The following ETAA1 variants were observed in gnomAD, a reference collection of about 807,000 sequenced individuals.
ETAA1 encodes ewing's tumor-associated antigen 1.
A neutral mutation model predicts 76.8 loss-of-function variants in ETAA1; 49 were observed. The observed-to-expected ratio is 0.64, with a 90% CI of 0.51 to 0.81. The LOEUF (loss-of-function observed/expected upper bound fraction) is 0.81, where lower values mean the gene tolerates loss of function less well. Ranked by LOEUF, ETAA1 falls within the 30% of genes least tolerant of loss-of-function variation. ETAA1 has a pLI of 0.00. For synonymous variants in ETAA1, 373 were observed against 372.2 expected (o/e 1.00, Z -0.03); for missense variants, 1,099 against 1,074.0 (o/e 1.02, Z -0.32).
chr2:67,411,629 CA>C lies in ETAA1; in HGVS notation c.*1592del, dbSNP rs1676371849. ...TTTAAAGTATGGTTTCTATTGGACG[CA>C]TATCACTTTTGCATCACGTTAGAGT... On this transcript the variant is annotated 3_prime_UTR_variant, in exon 6 of 6. Transcript: ENST00000272342. 1 of 152,004 alleles carries C rather than the reference CA, an allele frequency of 6.6e-6. No homozygotes were observed. The highest frequency in any genetic ancestry group is 1.5e-5 in the Non-Finnish European group (1 of 67,980). 9.4% of individuals were successfully genotyped at this position (152,004 alleles called of 1,614,324 possible). A position where few individuals can be genotyped will look rare whatever the true frequency, so the allele number is the denominator to read the frequency against.
At position 67,403,736 on chromosome 2, in the gene ETAA1, A is replaced by T. The variant is rs776871893; in HGVS notation, c.1054A>T (p.Met352Leu). 3.1e-6 allele frequency: 5 copies of T among 1,613,336 alleles called. No individual in the cohort carries two copies. In the African/African-American group the frequency reaches 6.7e-5, roughly 22 times the overall value. ...SLSSQVDTPI[M>L]TKSCVTSCTK... ...TTCTTCTCAAGTAGATACACCCATAATGACAAAATCATGTGTGACTTCCTG... is the reference window on the plus strand; with the variant it reads ...TTCTTCTCAAGTAGATACACCCATATTGACAAAATCATGTGTGACTTCCTG... Residue 352 changes from methionine (M) to leucine (L), a missense_variant, in exon 5 of 6, where the codon ATG becomes TTG. Met to Leu is a conservative substitution (Grantham distance 15, BLOSUM62 2). Coordinates refer to ENST00000272342, the MANE Select transcript of ETAA1 (RefSeq NM_019002.4).
chr2:67,400,888 A>G (rs1572907096), intron 3 of ETAA1: 1 of 152,172 alleles, frequency 6.6e-6, no homozygotes, highest in African/African-American at 2.4e-5. Flanking sequence ...TACTAGCTCT[A>G]CATTCCATTT....
Position 67,410,157 on chromosome 2 carries a change from T to G in ETAA1, c.*119T>G. ...ATGCTGACTTTTATAAAGCCTGGAC[T>G]TCTACTTTATTTAATAAATCAATGT... is the stretch of plus-strand genomic sequence containing the variant. On this transcript the variant is annotated 3_prime_UTR_variant, in exon 6 of 6. Transcript: ENST00000272342. 1 of 864,840 alleles carries G rather than the reference T, an allele frequency of 1.2e-6. No homozygotes were observed. The highest frequency in any genetic ancestry group is 1.8e-6 in the Non-Finnish European group (1 of 547,894). 53.6% of individuals were successfully genotyped at this position (864,840 alleles called of 1,614,324 possible). A position where few individuals can be genotyped will look rare whatever the true frequency, so the allele number is the denominator to read the frequency against.
In ETAA1 at chr2:67,405,052, T is replaced by G; in HGVS notation, c.2370T>G (p.Tyr790Ter). 1 of 1,611,688 alleles carries G rather than the reference T, an allele frequency of 6.2e-7. No homozygotes were observed. The highest frequency in any genetic ancestry group is 1.1e-5 in the South Asian group (1 of 90,888). Residue 790 changes from tyrosine to a stop codon, truncating the protein, a stop_gained, in exon 5 of 6, where the codon TAT becomes TAG. Transcript: ENST00000272342. LOFTEE classifies it high-confidence loss of function. ...ATATGAATACAGAAATTACTACTTA[T>G]AAGAAGAAATTGAGTACTAATCAGC... is the stretch of plus-strand genomic sequence containing the variant. ...SDHMNTEITTYKKKLSTNQPC... is the reference protein window; with the variant it reads ...SDHMNTEITT
intron 5 of ETAA1, among the ~76,000 whole-genome samples, chr2:67,409,040 T>G (rs1164239191): frequency 6.6e-6 from 1 of 152,056 alleles, no homozygotes; most frequent in Non-Finnish European, 1.5e-5. Context: ...TATGTATTTC[T>G]TAGCCTGAAT....
chr2:67,407,153 G>A (rs1676242437), intron 5 of ETAA1, among the ~76,000 whole-genome samples: 1 of 151,184 alleles, frequency 6.6e-6, no homozygotes, highest in Admixed American at 6.6e-5. Context: ...CTACACCCAA[G>A]GGTGTCCAAT....
At position 67,404,766 on chromosome 2, in the gene ETAA1, T is replaced by C. The variant is rs1338329117; in HGVS notation, c.2084T>C (p.Leu695Ser). The C allele has an allele frequency of 1.2e-6, 2 of 1,613,344 alleles. No homozygotes were observed. Among genetic ancestry groups the C allele is most frequent in the Non-Finnish European group, 1.7e-6 (2 of 1,179,590 alleles). ...QGSNLVQSKH[L>S]NPGSISVQTS... is the part of the protein sequence containing the mutation. The stretch of plus-strand genomic sequence containing the variant: ...AGTAATTTGGTACAATCAAAGCATT[T>C]GAATCCAGGCAGCATTTCAGTGCAG... Residue 695 changes from leucine (L) to serine (S), a missense_variant, in exon 5 of 6, where the codon TTG becomes TCG. Coordinates refer to ENST00000272342, the MANE Select transcript of ETAA1 (RefSeq NM_019002.4).
chr2:67,399,389 CCT>C lies in ETAA1; in HGVS notation c.352+95_352+96del, dbSNP rs1675991089. 3 of 1,259,458 alleles carry C rather than the reference CCT, an allele frequency of 2.4e-6. No homozygotes were observed. In the Admixed American group the frequency reaches 6.6e-5, roughly 28 times the overall value. The allele number at this position is 1,259,458 out of a possible 1,614,324, so 78.0% of individuals were successfully genotyped here. On this transcript the variant is annotated intron_variant, in intron 2 of 5. Transcript: ENST00000272342. ...TCTAGTCAGATAATAGCATCGGGAA[CCT>C]CTGAGAATGTTATATGATTTTATCT...
intron 1 of ETAA1, among the ~76,000 whole-genome samples, chr2:67,398,073 G>C (rs1675936725): frequency 6.6e-6 from 1 of 152,088 alleles, no homozygotes; most frequent in Non-Finnish European, 1.5e-5. Context: ...ACCTGCTTTA[G>C]AGAAGAGTTC....
intron 3 of ETAA1, chr2:67,400,458 GT>G (rs1385310280): frequency 6.6e-6 from 1 of 151,842 alleles, no homozygotes; most frequent in African/African-American, 2.4e-5. Flanking sequence ...TTTTTTGAGT[GT>G]TTCGTTTCTT....
intron 5 of ETAA1, among the ~76,000 whole-genome samples, chr2:67,408,596 C>G (rs1676282095): frequency 6.6e-6 from 1 of 151,578 alleles, no homozygotes; most frequent in South Asian, 2.1e-4. Context: ...GCAGCTTTTG[C>G]TTAGTACTTT....
chr2:67,403,720 A>G lies in ETAA1; in HGVS notation c.1038A>G (p.Gln346=). ...AAACCCCACGATCACTTTCTTCTCA[A>G]GTAGATACACCCATAATGACAAAAT... ...SNKTPRSLSS[Q]VDTPIMTKSC... is the part of the protein sequence containing the mutation. The change falls in exon 5 of 6, where the codon CAA becomes CAG. Residue 346 remains glutamine, a synonymous_variant. Coordinates refer to ENST00000272342, the MANE Select transcript of ETAA1 (RefSeq NM_019002.4). 6.2e-7 allele frequency: 1 copy of G among 1,613,450 alleles called. No individual in the cohort carries two copies. The highest frequency in any genetic ancestry group is 2.2e-5 in the East Asian group (1 of 44,858).
chr2:67,410,040 G>A lies in ETAA1; in HGVS notation c.*2G>A, dbSNP rs2103763642. ...GCAGCTCCCACTTCATTTCTTTAAT[G>A]AAATATTAGTTGGAAGACTTCACGA... On this transcript the variant is annotated 3_prime_UTR_variant, in exon 6 of 6. Transcript: ENST00000272342. 3.1e-6 allele frequency: 5 copies of A among 1,599,630 alleles called. No homozygotes were observed. In the East Asian group the frequency reaches 1.1e-4, roughly 36 times the overall value.
In ETAA1 at chr2:67,405,297, T is replaced by C. The variant is rs371193765; in HGVS notation, c.2615T>C (p.Leu872Ser). 1.2e-5 allele frequency: 19 copies of C among 1,557,876 alleles called. No homozygotes were observed. In the African/African-American group the frequency reaches 2.5e-4, roughly 20 times the overall value. Residue 872 changes from leucine to serine, a missense_variant, in exon 5 of 6, where the codon TTG (leucine) becomes TCG (serine). Physicochemically the swap from Leu to Ser is moderately radical, Grantham distance 145. Transcript: ENST00000272342. ...LLEEAVGQQSLVKLSESLKQS... is the reference protein window; with the variant it reads ...LLEEAVGQQSSVKLSESLKQS... ...GAGGAAGCTGTTGGACAGCAATCTT[T>C]GGTGAAACTTTCTGAATCTTTGAAA... is the stretch of plus-strand genomic sequence containing the variant.
chr2:67,399,806 T>A (rs987017010), intron 3 of ETAA1, among the ~76,000 whole-genome samples, 180 bp downstream of exon 3: 1 of 152,196 alleles, frequency 6.6e-6, no homozygotes, highest in Non-Finnish European at 1.5e-5. Flanking sequence ...AAAAGGAATA[T>A]AATATAAAAT....
Position 67,404,861 on chromosome 2 carries a change from T to C in ETAA1, c.2179T>C (p.Ser727Pro). The change falls in exon 5 of 6, where the codon TCT (serine) becomes CCT (proline). Residue 727 changes from serine to proline, a missense_variant. Around this residue, in one of 3 missense-constraint regions of ETAA1, gnomAD observed 302 missense variants for 278.1 expected, o/e 1.09. Coordinates refer to ENST00000272342, the MANE Select transcript of ETAA1 (RefSeq NM_019002.4). The stretch of plus-strand genomic sequence containing the variant: ...GGAGAAAGGGGAAATGTATGGAAAT[T>C]CTCCAAGATTTTTAGGTGCCACAAA... The part of the protein sequence containing the change: ...KMEKGEMYGN[S>P]PRFLGATNLT... 6.2e-7 allele frequency: 1 copy of C among 1,612,986 alleles called. No homozygotes were observed. The highest frequency in any genetic ancestry group is 1.7e-4 in the Middle Eastern group (1 of 6,054).
chr2:67,405,434 A>G (rs1676191125), intron 5 of ETAA1, 99 bp downstream of exon 5: 1 of 881,850 alleles, frequency 1.1e-6, no homozygotes, highest in African/African-American at 1.7e-5. Flanking sequence ...TATAAGGTAA[A>G]ACTATTCTAT....
chr2:67,405,173 A>G lies in ETAA1; in HGVS notation c.2491A>G (p.Ile831Val). 6.2e-7 allele frequency: 1 copy of G among 1,612,502 alleles called. No individual in the cohort carries two copies. The highest frequency in any genetic ancestry group is 8.5e-7 in the Non-Finnish European group (1 of 1,179,170). The change falls in exon 5 of 6, where the codon ATT (isoleucine) becomes GTT (valine). Residue 831 changes from isoleucine (I) to valine (V), a missense_variant. Physicochemically the swap from Ile to Val is conservative, Grantham distance 29. This residue lies in a region of ETAA1 where 302 missense variants were observed against 278.1 expected (regional missense o/e 1.09). Transcript: ENST00000272342. ...FTFTRMKNSQ[I>V]LSQFNQNCIT... is the part of the protein sequence containing the mutation. ...ATTTACAAGGATGAAAAATTCTCAGATTCTTTCTCAGTTTAATCAAAATTG... is the reference window on the plus strand; with the variant it reads ...ATTTACAAGGATGAAAAATTCTCAGGTTCTTTCTCAGTTTAATCAAAATTG...
At position 67,397,391 on chromosome 2, in the gene ETAA1, A is replaced by T; in HGVS notation, c.-58A>T. On this transcript the variant is annotated 5_prime_UTR_variant, in exon 1 of 6. Transcript: ENST00000272342. Reference sequence around the variant, plus strand: ...GTGCGGTTTGTAGTGCTGTTGCCCTACTCATCCCTTTGCAAAATGTGAAAG... The same window carrying T: ...GTGCGGTTTGTAGTGCTGTTGCCCTTCTCATCCCTTTGCAAAATGTGAAAG... 6.6e-7 allele frequency: 1 copy of T among 1,516,478 alleles called. No homozygotes were observed. The highest frequency in any genetic ancestry group is 9.0e-7 in the Non-Finnish European group (1 of 1,115,996). The allele number at this position is 1,516,478 out of a possible 1,614,324, so 93.9% of individuals were successfully genotyped here.
Sources: gnomAD v4.1 joint callset for allele counts (sites outside exome capture counted in the v4.1 genomes callset) on GRCh38, gnomAD v4.1.1 for gene constraint, gnomAD v4.1.1 regional missense constraint, MANE v1.5 for transcripts, NCBI Gene and HGNC (gene_info 2026-07-23, HGNC 2026-07-21) for gene names.